Variants in EFHB observed in about 807,000 individuals in gnomAD.
EFHB encodes EF-hand domain family member B, also known as EF-hand domain-containing family member B.
EFHB carries 91 observed loss-of-function variants against 87.2 expected under a neutral mutation model. That is an observed-to-expected ratio of 1.04 (90% CI 0.88 to 1.24). The LOEUF (loss-of-function observed/expected upper bound fraction) is 1.24. Among genes scored for constraint, EFHB ranks in the 50% most tolerant of loss-of-function variants. The probability of loss-of-function intolerance (pLI) is 0.00; values close to 1 mark genes in which losing one functional copy is unlikely to be tolerated. For synonymous variants in EFHB, 325 were observed against 333.6 expected (o/e 0.97, Z 0.28); for missense variants, 1,084 against 998.8 (o/e 1.09, Z -1.15).
At position 19,879,637 on chromosome 3, in the gene EFHB, G is replaced by A. The variant is rs758020114; in HGVS notation, c.2496C>T (p.Leu832=). 6.4e-7 allele frequency: 1 copy of A among 1,561,590 alleles called. No individual in the cohort carries two copies. Among genetic ancestry groups the A allele is most frequent in the Non-Finnish European group, 8.6e-7 (1 of 1,157,046 alleles). The change falls in exon 13 of 13, where the codon CTC becomes CTT. Residue 832 remains leucine, a synonymous_variant. Transcript: ENST00000295824. ...TGAATGAAGTCCAAAAATATCACAT[G>A]AGTGTTTTACACTTGATCCGGTCTG... The part of the protein sequence containing the change: ...RHADRIKCKT[L]M
intron 5 of EFHB, among the ~76,000 whole-genome samples, chr3:19,908,594 G>GAAAGAAAGAA (rs1300095448): frequency 4.2e-4 from 38 of 91,392 alleles, no homozygotes; most frequent in East Asian, 1.9e-3. Flanking sequence ...GAGAGAGAGA[G>GAAAGAAAGAA]AGAGAGAAAG....
rs747471056 is a variant in EFHB at position 19,934,059 on chromosome 3, T to C, written c.-41A>G. The C allele has an allele frequency of 6.5e-7, 1 of 1,543,060 alleles. No individual in the cohort carries two copies. Among genetic ancestry groups the C allele is most frequent in the African/African-American group, 1.4e-5 (1 of 73,206 alleles). ...ATTCTCATTTCTCCAAGAGCGCTCA[T>C]CTCTAAGGGGAAAGCTGTACCTGGC... On this transcript the variant is annotated 5_prime_UTR_variant, in exon 1 of 13. The change abolishes an upstream ATG in the 5' untranslated region. Transcript: ENST00000295824.
upstream of EFHB, chr3:19,936,008 CAAA>C (rs751728589): frequency 9.3e-3 from 5,017 of 541,098 alleles, no homozygotes; most frequent in East Asian, 0.021. Flanking sequence ...GACTCCATCT[CAAA>C]AAAAAAAAAA....
chr3:19,944,797 C>G (rs751552851), intron 1 of EFHB, among the ~76,000 whole-genome samples: 6 of 152,062 alleles, frequency 3.9e-5, no homozygotes, highest in Non-Finnish European at 4.4e-5. Flanking sequence ...TCTTAATGTT[C>G]GTGATTCTAA....
At chr3:19,909,743 A>C (rs1482728362) in intron 5 of EFHB, among the ~76,000 whole-genome samples, 1 of 151,986 alleles carries the variant, frequency 6.6e-6, no homozygotes, top group African/African-American at 2.4e-5. Flanking sequence ...CTAGGACACC[A>C]CCTCAGCCAC....
At position 19,934,054 on chromosome 3, in the gene EFHB, G is replaced by A. The variant is rs781267099; in HGVS notation, c.-36C>T. On this transcript the variant is annotated 5_prime_UTR_variant, in exon 1 of 13. Coordinates refer to ENST00000295824, the MANE Select transcript of EFHB (RefSeq NM_144715.4). ...TCCCCATTCTCATTTCTCCAAGAGC[G>A]CTCATCTCTAAGGGGAAAGCTGTAC... 9.0e-6 allele frequency: 14 copies of A among 1,550,546 alleles called. No homozygotes were observed. Among genetic ancestry groups the A allele is most frequent in the African/African-American group, 1.4e-5 (1 of 73,466 alleles).
At chr3:19,926,687 G>GAA (rs1695641760) in intron 1 of EFHB, among the ~76,000 whole-genome samples, 1 of 95,400 alleles carries the variant, frequency 1.0e-5, no homozygotes. Context: ...TTTTGAGACA[G>GAA]TTTCACTCTT....
chr3:19,916,407 C>T (rs1053027668), intron 4 of EFHB, among the ~76,000 whole-genome samples: 2 of 151,776 alleles, frequency 1.3e-5, no homozygotes, highest in Non-Finnish European at 2.9e-5. Context: ...CCCAGCTACT[C>T]GGGGGGCTGA....
intron 11 of EFHB, among the ~76,000 whole-genome samples, chr3:19,883,965 T>G (rs1024368467): frequency 6.6e-6 from 1 of 152,186 alleles, no homozygotes; most frequent in African/African-American, 2.4e-5. Flanking sequence ...AGACACCAGT[T>G]TGTGGTACTT....
intron 12 of EFHB, among the ~76,000 whole-genome samples, chr3:19,880,059 A>G (rs1462478558): frequency 1.3e-5 from 2 of 152,130 alleles, no homozygotes; most frequent in Non-Finnish European, 2.9e-5. Flanking sequence ...TAGCCAATAT[A>G]TAAAGTTATT....
chr3:19,879,893 A>G, intron 12 of EFHB, 89 bp from the exon 13 acceptor site: 1 of 1,328,604 alleles, frequency 7.5e-7, no homozygotes, highest in South Asian at 1.6e-5. Context: ...GACTATGGAT[A>G]TTTTTCCAAA....
At chr3:19,885,168 G>A (rs1263311407) in intron 10 of EFHB, among the ~76,000 whole-genome samples, 1 of 151,082 alleles carries the variant, frequency 6.6e-6, no homozygotes, top group African/African-American at 2.4e-5. Flanking sequence ...GTTGCAGTGA[G>A]CCGAGATCGC....
chr3:19,883,906 C>A (rs1198798194), intron 11 of EFHB, among the ~76,000 whole-genome samples: 1 of 152,228 alleles, frequency 6.6e-6, no homozygotes, highest in East Asian at 1.9e-4. Flanking sequence ...ATCCTGCTGA[C>A]ACCTTGCACG....
intron 5 of EFHB, among the ~76,000 whole-genome samples, chr3:19,908,604 GAAAGAAAGAA>G (rs1559459829): frequency 8.8e-5 from 11 of 125,436 alleles, no homozygotes; most frequent in African/African-American, 3.5e-4. Flanking sequence ...GAGAGAGAAA[GAAAGAAAGAA>G]AGAAAGAAAG....
chr3:19,936,337 G>GAAAA (rs71055080), upstream of EFHB: 6,128 of 445,058 alleles, frequency 0.014, 2 homozygotes, highest in Middle Eastern at 0.025. Flanking sequence ...GCGACAGACT[G>GAAAA]AAAAAAAAAA....
At chr3:19,940,788 G>A (rs1696140378) in intron 1 of EFHB, 2 of 361,150 alleles carry the variant, frequency 5.5e-6, no homozygotes, top group Non-Finnish European at 5.5e-6. Context: ...GAGTGCCAAA[G>A]GTATGCCTGT....
chr3:19,920,282 A>C (rs1348526625), intron 2 of EFHB, among the ~76,000 whole-genome samples: 1 of 152,198 alleles, frequency 6.6e-6, no homozygotes, highest in African/African-American at 2.4e-5. Flanking sequence ...CACTGAAATA[A>C]ATTGAATCCC....
chr3:19,902,195 T>G (rs982800249), intron 6 of EFHB, among the ~76,000 whole-genome samples: 1 of 152,206 alleles, frequency 6.6e-6, no homozygotes, highest in Non-Finnish European at 1.5e-5. Context: ...TGTGTGCCAG[T>G]GAATTCATTC....
At chr3:19,895,023 T>A (rs948782078) in intron 9 of EFHB, 14 of 147,104 alleles carry the variant, frequency 9.5e-5, no homozygotes, top group African/African-American at 3.5e-4. Flanking sequence ...TATATAGTTT[T>A]TATATATAAA....
Sources: gnomAD v4.1 joint callset for allele counts (sites outside exome capture counted in the v4.1 genomes callset) on GRCh38, gnomAD v4.1.1 for gene constraint, MANE v1.5 for transcripts, NCBI Gene and HGNC (gene_info 2026-07-23, HGNC 2026-07-21) for gene names.